GLCCI1: variants seen among roughly 807,000 people sequenced by gnomAD.
GLCCI1 encodes the protein glucocorticoid-induced transcript 1 protein.
In GLCCI1, 24 loss-of-function variants were observed where a neutral mutation model predicts 52.2. The observed-to-expected ratio is 0.46, with a 90% confidence interval of 0.33 to 0.65. The LOEUF is 0.65. Ranked by LOEUF, GLCCI1 falls within the 30% of genes least tolerant of loss-of-function variation. GLCCI1 has a pLI of 0.02. For synonymous variants in GLCCI1, 310 were observed against 276.5 expected (o/e 1.12, Z -1.20); for missense variants, 704 against 701.5 (o/e 1.00, Z -0.04).
At position 8,055,473 on chromosome 7, in the gene GLCCI1, AGAG is replaced by A. The variant is rs1562443964; in HGVS notation, c.738_740del (p.Gln246_Ser247delinsHis). On this transcript the variant is annotated inframe_deletion, in exon 4 of 8. Transcript: ENST00000223145. The stretch of plus-strand genomic sequence containing the variant: ...AGGCAGCAACTACAACGCAGTAAAC[AGAG>A]TAGTCGTCACAGTAAGGAGAAAGAT... 1 of 1,614,010 alleles carries A rather than the reference AGAG, an allele frequency of 6.2e-7. No individual in the cohort carries two copies.
At chr7:8,048,843 T>A (rs959015035) in intron 3 of GLCCI1, among the ~76,000 whole-genome samples, 1 of 152,172 alleles carries the variant, frequency 6.6e-6, no homozygotes, top group African/African-American at 2.4e-5. Context: ...ATGGATCCTG[T>A]ACATACAGTA....
At chr7:7,981,465 G>T in intron 1 of GLCCI1, 1 of 201,230 alleles carries the variant, frequency 5.0e-6, no homozygotes, top group South Asian at 8.6e-5. Context: ...TGGGACTACA[G>T]GCGTGTGCCA....
chr7:7,976,503 A>AAAAAAAAAAG (rs1780474348), intron 1 of GLCCI1, among the ~76,000 whole-genome samples: 1 of 137,974 alleles, frequency 7.2e-6, no homozygotes, highest in African/African-American at 3.0e-5. Flanking sequence ...AAAAAAGGAA[A>AAAAAAAAAAG]GGAAAAAGGA....
intron 6 of GLCCI1, among the ~76,000 whole-genome samples, chr7:8,082,851 T>C (rs1002885589): frequency 4.6e-5 from 7 of 152,360 alleles, no homozygotes; most frequent in African/African-American, 1.7e-4. Flanking sequence ...CCTTCAGTTA[T>C]GAGAAAGTCC....
rs1482548707 is a variant in GLCCI1, at chr7:7,969,930, G to A, written c.457+123G>A. 9.9e-6 allele frequency: 11 copies of A among 1,113,972 alleles called. No homozygotes were observed. The highest frequency in any genetic ancestry group is 1.2e-5 in the Non-Finnish European group (11 of 904,840). 69.0% of individuals were successfully genotyped at this position (1,113,972 alleles called of 1,614,324 possible). A position where few individuals can be genotyped will look rare whatever the true frequency, so the allele number is the denominator to read the frequency against. Reference sequence around the variant, plus strand: ...TTATCGAAGGTGTGAAAGTGGCTTTGGGAATCTCACCCCCCTGCGGTCGCT... The same window carrying A: ...TTATCGAAGGTGTGAAAGTGGCTTTAGGAATCTCACCCCCCTGCGGTCGCT... On this transcript the variant is annotated intron_variant, in intron 1 of 7. Transcript: ENST00000223145. This position sits in a 1 kb window ranked among gnomAD's most constrained non-coding sequence, Gnocchi z 4.9.
Position 7,973,738 on chromosome 7 carries a change from TAAAG to T in GLCCI1, c.457+3934_457+3937del, listed in dbSNP as rs1363071933. Among the ~76,000 whole-genome samples the T allele has an allele frequency of 2.7e-4, 41 of 152,230 alleles. 1 individual carries two copies. The East Asian group carries it at 7.7e-3, about 29-fold the overall frequency. On this transcript the variant is annotated intron_variant, in intron 1 of 7. Coordinates refer to ENST00000223145, the MANE Select transcript of GLCCI1 (RefSeq NM_138426.4). ...CTTGAGAGCCTCATTGTTTTATACA[TAAAG>T]AAGTTATGATTCTATTCTAAAAGAT...
At chr7:8,054,720 T>C (rs956557285) in intron 3 of GLCCI1, among the ~76,000 whole-genome samples, 14 of 152,074 alleles carry the variant, frequency 9.2e-5, no homozygotes, top group Admixed American at 2.0e-4. Flanking sequence ...AATACCAATA[T>C]TAAATGACTA....
chr7:8,005,968 T>C (rs1781141110), intron 2 of GLCCI1, among the ~76,000 whole-genome samples: 1 of 152,124 alleles, frequency 6.6e-6, no homozygotes. Flanking sequence ...CCAGCCAAGT[T>C]TTTGTATTTA....
chr7:8,050,836 T>A (rs569531611), intron 3 of GLCCI1, among the ~76,000 whole-genome samples: 1 of 152,194 alleles, frequency 6.6e-6, no homozygotes. Flanking sequence ...AGCAATATAT[T>A]TTTTTAACCT....
rs764272190 is a variant in GLCCI1, at chr7:8,003,960, C to G, written c.510C>G (p.Thr170=). The stretch of plus-strand genomic sequence containing the variant: ...GGACCTCTAGTACAATAAGGCGAAC[C>G]TCCTCTTTGGATACAATAACAGGAC... ...QVRTSSTIRR[T]SSLDTITGPY... The change falls in exon 2 of 8, where the codon ACC becomes ACG. Residue 170 remains threonine (T), a synonymous_variant. Coordinates refer to ENST00000223145, the MANE Select transcript of GLCCI1 (RefSeq NM_138426.4). The G allele has an allele frequency of 6.2e-7, 1 of 1,613,712 alleles. No homozygotes were observed. The highest frequency in any genetic ancestry group is 1.1e-5 in the South Asian group (1 of 91,050).
intron 3 of GLCCI1, among the ~76,000 whole-genome samples, chr7:8,040,594 G>C (rs1781976891): frequency 6.6e-6 from 1 of 151,106 alleles, no homozygotes; most frequent in African/African-American, 2.4e-5. Flanking sequence ...TTAATTGCAA[G>C]CATTGGTTAG....
intron 1 of GLCCI1, among the ~76,000 whole-genome samples, chr7:7,991,733 C>G (rs1780841699): frequency 6.6e-6 from 1 of 152,110 alleles, no homozygotes; most frequent in African/African-American, 2.4e-5. Context: ...CTTCAACCCC[C>G]TCAGTCCATT....
At chr7:8,008,522 T>C (rs1440368637) in intron 2 of GLCCI1, among the ~76,000 whole-genome samples, 1 of 152,100 alleles carries the variant, frequency 6.6e-6, no homozygotes, top group Non-Finnish European at 1.5e-5. Flanking sequence ...CTTGAACTCC[T>C]TGCCTCAAGT....
intron 1 of GLCCI1, among the ~76,000 whole-genome samples, chr7:7,984,513 C>T (rs1780682675): frequency 6.6e-6 from 1 of 152,172 alleles, no homozygotes; most frequent in Non-Finnish European, 1.5e-5. Flanking sequence ...ATTTGAACTT[C>T]ATCGTAATGT....
chr7:8,040,331 C>A (rs912593867), intron 3 of GLCCI1, among the ~76,000 whole-genome samples: 1 of 151,858 alleles, frequency 6.6e-6, no homozygotes, highest in Non-Finnish European at 1.5e-5. Flanking sequence ...ACAAAAAATA[C>A]AGAAGTTAGC....
intron 5 of GLCCI1, 87 bp from the exon 6 acceptor site, chr7:8,070,834 T>C: frequency 1.7e-6 from 2 of 1,191,334 alleles, no homozygotes; most frequent in South Asian, 1.4e-5. Context: ...AGTGGTGGAA[T>C]ATGAAATCAA....
At chr7:8,080,840 GGTTT>G (rs1175652298) in intron 6 of GLCCI1, among the ~76,000 whole-genome samples, 3 of 146,910 alleles carry the variant, frequency 2.0e-5, no homozygotes, top group Non-Finnish European at 4.5e-5. Flanking sequence ...TTGGTTTTGG[GGTTT>G]TTTTTTTTTT....
chr7:8,036,306 A>G (rs1000549452), intron 3 of GLCCI1, among the ~76,000 whole-genome samples: 64 of 152,194 alleles, frequency 4.2e-4, no homozygotes, highest in Non-Finnish European at 8.8e-5. Context: ...AAACCAAGTA[A>G]CTCATAGAAA....
intron 2 of GLCCI1, among the ~76,000 whole-genome samples, chr7:8,009,711 C>A (rs1781225395): frequency 6.6e-6 from 1 of 152,206 alleles, no homozygotes; most frequent in Non-Finnish European, 1.5e-5. Context: ...AAGAAATTAA[C>A]TTTTGCAGTT....
Sources: allele counts gnomAD v4.1 joint callset (sites outside exome capture counted in the v4.1 genomes callset), GRCh38; gene constraint gnomAD v4.1.1; non-coding constraint Gnocchi (gnomAD v3.1); transcripts MANE v1.5; gene names NCBI Gene and HGNC (gene_info 2026-07-23, HGNC 2026-07-21).